Variants in BRD3 observed in about 807,000 individuals in gnomAD.
The protein encoded by BRD3 is bromodomain-containing protein 3.
Under a neutral mutation model 66.8 loss-of-function variants are expected in BRD3, and 17 were observed. The ratio of observed to expected loss-of-function variants is 0.25; its 90% CI spans 0.17 to 0.38. BRD3 has a LOEUF of 0.38. Ranked by LOEUF, BRD3 falls within the 10% of genes least tolerant of loss-of-function variation. The probability of loss-of-function intolerance (pLI) is 1.00; values close to 1 mark genes in which losing one functional copy is unlikely to be tolerated. For synonymous variants in BRD3, 421 were observed against 393.2 expected, an observed-to-expected ratio of 1.07 and a Z score of -0.84; for missense variants, 713 against 956.1, an observed-to-expected ratio of 0.75 and a Z score of 3.35.
Position 134,060,587 on chromosome 9 carries a change from G to GACACACACACACACAC in BRD3, c.-113-7013_-113-6998dup, listed in dbSNP as rs10661799. On this transcript the variant is annotated intron_variant, in intron 1 of 11. Coordinates refer to ENST00000303407, the MANE Select transcript of BRD3 (RefSeq NM_007371.4). Reference sequence around the variant, plus strand: ...AGCCTGGATGTCAGAGCAAGACCCTGACACACACACACACACACACACACA... The same window carrying GACACACACACACACAC: ...AGCCTGGATGTCAGAGCAAGACCCTGACACACACACACACACACACACACACACACACACACACACA... 4.4e-3 allele frequency among the ~76,000 whole-genome samples: 639 copies of GACACACACACACACAC among 143,860 alleles called. 8 individuals carry two copies. Among genetic ancestry groups the GACACACACACACACAC allele is most frequent in the African/African-American group, 0.015 (589 of 38,210 alleles). The allele number at this position is 143,860 out of a possible 152,430, so 94.4% of individuals were successfully genotyped here. A position where few individuals can be genotyped will look rare whatever the true frequency, so the allele number is the denominator to read the frequency against.
At chr9:134,044,399 G>A (rs936723938) in intron 7 of BRD3, among the ~76,000 whole-genome samples, 1 of 152,090 alleles carries the variant, frequency 6.6e-6, no homozygotes, top group African/African-American at 2.4e-5. Context: ...GGCTGCTCGG[G>A]GATTTCAAAA....
chr9:134,040,185 CCTTCTCCTT>C lies in BRD3; in HGVS notation c.1483_1491del (p.Lys495_Lys497del), dbSNP rs760373011. 94 of 1,568,180 alleles carry C rather than the reference CCTTCTCCTT, an allele frequency of 6.0e-5. No homozygotes were observed. The highest frequency in any genetic ancestry group is 1.7e-4 in the Middle Eastern group (1 of 6,006). On this transcript the variant is annotated inframe_deletion, in exon 9 of 12. Transcript: ENST00000303407. Reference sequence around the variant, plus strand: ...TTCTCCTTGTCCTTCTTCTTCTTCTCCTTCTCCTTCTTCTCCTTCTTCTTCTTTGGTTTG... The same window carrying C: ...TTCTCCTTGTCCTTCTTCTTCTTCTCCTTCTCCTTCTTCTTCTTTGGTTTG...
At chr9:134,034,567 GA>G (rs1843568626) in intron 11 of BRD3, 133 bp downstream of exon 11, 3 of 1,280,946 alleles carry the variant, frequency 2.3e-6, no homozygotes, top group Non-Finnish European at 3.2e-6. Flanking sequence ...AGGAGCTCAA[GA>G]GCTCGTCTAA....
At chr9:134,064,796 T>C (rs1161146367) in intron 1 of BRD3, among the ~76,000 whole-genome samples, 1 of 152,170 alleles carries the variant, frequency 6.6e-6, no homozygotes, top group East Asian at 1.9e-4. Context: ...CAGGGGCCCA[T>C]GATGTCTGTG....
intron 7 of BRD3, among the ~76,000 whole-genome samples, chr9:134,044,702 C>T (rs1830131534): frequency 6.6e-6 from 1 of 152,200 alleles, no homozygotes; most frequent in Admixed American, 6.5e-5. Context: ...CACACGCACA[C>T]ACGTCCACAC....
At chr9:134,049,458 G>A (rs1413056792) in intron 5 of BRD3, among the ~76,000 whole-genome samples, 1 of 152,212 alleles carries the variant, frequency 6.6e-6, no homozygotes, top group Admixed American at 6.5e-5. Flanking sequence ...GGCCGGAGCC[G>A]GCTATCCACA....
Position 134,066,761 on chromosome 9 carries a change from TA to T in BRD3, c.-114+1183del, listed in dbSNP as rs1830666824. On this transcript the variant is annotated intron_variant, in intron 1 of 11. Coordinates refer to ENST00000303407, the MANE Select transcript of BRD3 (RefSeq NM_007371.4). ...ATGCACTACAGTCTCCCCTCCTGGT[TA>T]ACTTTTGCAGACAATGACCAAGTTT... 2.0e-5 allele frequency among the ~76,000 whole-genome samples: 3 copies of T among 152,386 alleles called. No individual in the cohort carries two copies. The East Asian group carries it at 5.8e-4, about 29-fold the overall frequency.
intron 1 of BRD3, among the ~76,000 whole-genome samples, chr9:134,067,157 G>A (rs1164656710): frequency 3.9e-5 from 6 of 152,244 alleles, no homozygotes; most frequent in South Asian, 2.1e-4. Flanking sequence ...GGAAGGAGGG[G>A]AAGCACCCCC....
Position 134,040,162 on chromosome 9 carries a change from C to T in BRD3, c.1515G>A (p.Glu505=), listed in dbSNP as rs199545411. The change falls in exon 9 of 12, where the codon GAG becomes GAA. Residue 505 remains glutamate (E), a synonymous_variant. Coordinates refer to ENST00000303407, the MANE Select transcript of BRD3 (RefSeq NM_007371.4). ...TCACTTTGTGCTTCTCCTTCTCCTT[C>T]TCCTTGTCCTTCTTCTTCTTCTCCT... The part of the protein sequence containing the change: ...KEKEKKKKDK[E]KEKEKHKVKA... 1.3e-6 allele frequency: 2 copies of T among 1,562,570 alleles called. No homozygotes were observed. The highest frequency in any genetic ancestry group is 2.7e-5 in the African/African-American group (2 of 73,690).
At position 134,034,944 on chromosome 9, in the gene BRD3, C is replaced by T. The variant is rs1843577245; in HGVS notation, c.1937-115G>A. On this transcript the variant is annotated intron_variant, in intron 10 of 11. Transcript: ENST00000303407. ...TGCACACTGGCATCCATGCCAGCTG[C>T]CCAGCTTTCATGAGTCTGGGAGCTG... 5 of 1,475,880 alleles carry T rather than the reference C, an allele frequency of 3.4e-6. No individual in the cohort carries two copies. The South Asian group carries it at 4.9e-5, about 15-fold the overall frequency. 91.4% of individuals were successfully genotyped at this position (1,475,880 alleles called of 1,614,324 possible). A position where few individuals can be genotyped will look rare whatever the true frequency, so the allele number is the denominator to read the frequency against.
At position 134,033,910 on chromosome 9, in the gene BRD3, C is replaced by T. The variant is rs1203912829; in HGVS notation, c.2066-205G>A. Reference sequence around the variant, plus strand: ...ACTTGAGACAGGAAAAAAATGAATGCAGACTACTAACAGGAAATGATGGAT... The same window carrying T: ...ACTTGAGACAGGAAAAAAATGAATGTAGACTACTAACAGGAAATGATGGAT... On this transcript the variant is annotated intron_variant, in intron 11 of 11. Coordinates refer to ENST00000303407, the MANE Select transcript of BRD3 (RefSeq NM_007371.4). The surrounding 1 kb of genome is among the most constrained non-coding windows in gnomAD (Gnocchi z 5.1). Among the ~76,000 whole-genome samples the T allele has an allele frequency of 6.6e-6, 1 of 152,160 alleles. No individual in the cohort carries two copies. The highest frequency in any genetic ancestry group is 1.5e-5 in the Non-Finnish European group (1 of 68,016).
rs201862130 is a variant in BRD3, at chr9:134,048,265, C to A, written c.904G>T (p.Ala302Ser). 1.9e-6 allele frequency: 3 copies of A among 1,609,436 alleles called. No homozygotes were observed. The highest frequency in any genetic ancestry group is 2.2e-5 in the South Asian group (2 of 90,880). The change falls in exon 6 of 12, where the codon GCA becomes TCA. Residue 302 changes from alanine (A) to serine (S), a missense_variant. Ala to Ser is a moderately conservative substitution (Grantham distance 99, BLOSUM62 1). This residue lies in a region of BRD3 where 418 missense variants were observed against 609.3 expected (regional missense o/e 0.69). Coordinates refer to ENST00000303407, the MANE Select transcript of BRD3 (RefSeq NM_007371.4). Reference sequence around the variant, plus strand: ...TCCGACAGCTTGCCCTTCTTGCCTGCGTGCTGGGGCACCTCGCCGTCCTCC... The same window carrying A: ...TCCGACAGCTTGCCCTTCTTGCCTGAGTGCTGGGGCACCTCGCCGTCCTCC... ...DLEDGEVPQH[A>S]GKKGKLSEHL...
In BRD3 at chr9:134,033,486, G is replaced by C. The variant is rs1453801799; in HGVS notation, c.*104C>G. On this transcript the variant is annotated 3_prime_UTR_variant, in exon 12 of 12. Coordinates refer to ENST00000303407, the MANE Select transcript of BRD3 (RefSeq NM_007371.4). This position sits in a 1 kb window ranked among gnomAD's most constrained non-coding sequence, Gnocchi z 5.1. Reference sequence around the variant, plus strand: ...TATCATAACACTGAATTAAGAAGCAGACCTGCACACCATGGAACAGAAGTA... The same window carrying C: ...TATCATAACACTGAATTAAGAAGCACACCTGCACACCATGGAACAGAAGTA... 2 of 622,912 alleles carry C rather than the reference G, an allele frequency of 3.2e-6. No homozygotes were observed. Among genetic ancestry groups the C allele is most frequent in the South Asian group, 3.7e-5 (2 of 53,508 alleles). The allele number at this position is 622,912 out of a possible 1,614,324, so 38.6% of individuals were successfully genotyped here.
At chr9:134,052,195 G>T (rs962408067) in intron 3 of BRD3, 111 bp downstream of exon 3, 300 of 1,391,470 alleles carry the variant, frequency 2.2e-4, no homozygotes, top group Non-Finnish European at 2.7e-4. Flanking sequence ...ACCCAGCCAG[G>T]TGAAGCGCTT....
At chr9:134,042,792 TACACACAC>T (rs58646444) in intron 7 of BRD3, among the ~76,000 whole-genome samples, 45,132 of 147,838 alleles carry the variant, frequency 0.31, 7,148 homozygotes, top group East Asian at 0.62. Flanking sequence ...TACACAAATA[TACACACAC>T]ACACACACAC....
rs1564555861 is a variant in BRD3 at position 134,051,880 on chromosome 9, G to GTTGTTTTTTTTT, written c.352-172_352-171insAAAAAAAAACAA. On this transcript the variant is annotated intron_variant, in intron 3 of 11. Transcript: ENST00000303407. The stretch of plus-strand genomic sequence containing the variant: ...GTGTGTGTGTGTGTGTGTGTGTGTT[G>GTTGTTTTTTTTT]TTTTTTTTGTTTTTTTTTTTTTTTT... 2.6e-5 allele frequency among the ~76,000 whole-genome samples: 3 copies of GTTGTTTTTTTTT among 113,632 alleles called. No individual in the cohort carries two copies. The South Asian group carries it at 8.0e-4, about 30-fold the overall frequency. The allele number at this position is 113,632 out of a possible 152,430, so 74.5% of individuals were successfully genotyped here.
chr9:134,064,374 A>T (rs754988757), intron 1 of BRD3, among the ~76,000 whole-genome samples: 175 of 130,942 alleles, frequency 1.3e-3, no homozygotes, highest in Non-Finnish European at 2.1e-3. Context: ...CTAAAAAATT[A>T]AAAAAAATTA....
chr9:134,060,915 G>C (rs1830528223), intron 1 of BRD3, among the ~76,000 whole-genome samples: 1 of 152,222 alleles, frequency 6.6e-6, no homozygotes. Flanking sequence ...AGGAGGACCT[G>C]AATGAAAAGC....
At position 134,053,445 on chromosome 9, in the gene BRD3, C is replaced by G. The variant is rs373839780; in HGVS notation, c.33G>C (p.Gly11=). 39 of 1,608,868 alleles carry G rather than the reference C, an allele frequency of 2.4e-5. No homozygotes were observed. In the African/African-American group the frequency reaches 4.9e-4, roughly 20 times the overall value. The change falls in exon 2 of 12, where the codon GGG becomes GGC. Residue 11 remains glycine (G), a synonymous_variant. Coordinates refer to ENST00000303407, the MANE Select transcript of BRD3 (RefSeq NM_007371.4). The part of the protein sequence containing the change: MSTATTVAPA[G]IPATPGPVNP... ...TCACAGGGCCCGGGGTCGCCGGGAT[C>G]CCCGCGGGGGCGACTGTCGTGGCGG...
Sources: gnomAD v4.1 joint callset for allele counts (sites outside exome capture counted in the v4.1 genomes callset) on GRCh38, gnomAD v4.1.1 for gene constraint, gnomAD v4.1.1 regional missense constraint, Gnocchi (gnomAD v3.1) non-coding constraint, MANE v1.5 for transcripts, NCBI Gene and HGNC (gene_info 2026-07-23, HGNC 2026-07-21) for gene names.